The following KALRN variants were observed in gnomAD, a reference collection of about 807,000 sequenced individuals.
KALRN encodes the protein kalirin.
In KALRN, 70 loss-of-function variants were observed where a neutral mutation model predicts 353.7. The observed-to-expected ratio is 0.20, with a 90% CI of 0.16 to 0.24. The LOEUF (loss-of-function observed/expected upper bound fraction) is 0.24. Ranked by LOEUF, KALRN falls within the 10% of genes least tolerant of loss-of-function variation. The pLI is 1.00. For synonymous variants in KALRN, 1,391 were observed against 1,434.8 expected (o/e 0.97, Z 0.69); for missense variants, 2,791 against 3,756.7 (o/e 0.74, Z 6.72).
intron 6 of KALRN, among the ~76,000 whole-genome samples, chr3:124,309,715 G>C (rs1046222198): frequency 5.3e-5 from 8 of 151,284 alleles, no homozygotes; most frequent in African/African-American, 1.9e-4. Context: ...CCCAGAAAAA[G>C]CATTTGACAA....
intron 38 of KALRN, among the ~76,000 whole-genome samples, chr3:124,655,357 C>T (rs139459204): frequency 3.9e-4 from 59 of 152,220 alleles, no homozygotes; most frequent in African/African-American, 1.3e-3. Flanking sequence ...AGGTACTGAG[C>T]GTCATTTTTC....
chr3:124,674,429 G>T lies in KALRN; in HGVS notation c.7008G>T (p.Lys2336Asn). ...MAVIKDYYALKENEICVSQGE... is the reference protein window; with the variant it reads ...MAVIKDYYALNENEICVSQGE... ...TGATCAAAGATTACTATGCACTGAA[G>T]GAGAATGAAATCTGTGTGAGCCAAG... The change falls in exon 49 of 60, where the codon AAG becomes AAT. Residue 2336 changes from lysine to asparagine, a missense_variant. Coordinates refer to ENST00000682506, the MANE Select transcript of KALRN (RefSeq NM_001388419.1). 1 of 1,614,090 alleles carries T rather than the reference G, an allele frequency of 6.2e-7. No homozygotes were observed. Among genetic ancestry groups the T allele is most frequent in the Non-Finnish European group, 8.5e-7 (1 of 1,180,008 alleles).
intron 16 of KALRN, 135 bp downstream of exon 16, chr3:124,430,910 C>A: frequency 2.8e-6 from 3 of 1,083,090 alleles, no homozygotes; most frequent in Non-Finnish European, 3.8e-6. Context: ...TCCAGGGAGC[C>A]TTCCTCTTAC....
intron 34 of KALRN, among the ~76,000 whole-genome samples, chr3:124,587,199 G>C (rs1308010235): frequency 6.6e-6 from 1 of 152,090 alleles, no homozygotes; most frequent in Non-Finnish European, 1.5e-5. Context: ...AAATACAATG[G>C]AAAGGCAACC....
At chr3:124,073,520 G>A (rs2060118883) in intron 1 of KALRN, among the ~76,000 whole-genome samples, 2 of 152,170 alleles carry the variant, frequency 1.3e-5, no homozygotes, top group African/African-American at 2.4e-5. Context: ...ACTAGCATCA[G>A]TCACCCCCAC....
intron 33 of KALRN, among the ~76,000 whole-genome samples, chr3:124,509,587 G>A (rs1471447240): frequency 6.6e-6 from 1 of 152,204 alleles, no homozygotes; most frequent in Non-Finnish European, 1.5e-5. Context: ...AATATATAAT[G>A]CAAGTTTATG....
At chr3:124,572,392 G>A (rs2073640443) in intron 34 of KALRN, among the ~76,000 whole-genome samples, 1 of 151,178 alleles carries the variant, frequency 6.6e-6, no homozygotes, top group African/African-American at 2.4e-5. Flanking sequence ...AGTTAAAAAT[G>A]GCCCAACCTA....
In KALRN at chr3:124,488,287, T is replaced by C; in HGVS notation, c.4368T>C (p.Asn1456=). The C allele has an allele frequency of 6.2e-7, 1 of 1,613,378 alleles. No homozygotes were observed. Residue 1456 remains asparagine, a synonymous_variant, in exon 29 of 60, where the codon AAT becomes AAC. Transcript: ENST00000682506. ...EVMLSVPKKA[N]DAMHVSMLEG... is the part of the protein sequence containing the mutation. Reference sequence around the variant, plus strand: ...TGCTCAGTGTCCCAAAGAAAGCCAATGATGCCATGCATGTCAGCATGCTGG... The same window carrying C: ...TGCTCAGTGTCCCAAAGAAAGCCAACGATGCCATGCATGTCAGCATGCTGG...
At chr3:124,078,860 A>T (rs1260903092) in intron 1 of KALRN, among the ~76,000 whole-genome samples, 5 of 152,226 alleles carry the variant, frequency 3.3e-5, no homozygotes, top group Non-Finnish European at 5.9e-5. Context: ...GTTTCTAGGG[A>T]CTGGGACAAG....
At chr3:124,178,282 C>T (rs1007853426) in intron 1 of KALRN, among the ~76,000 whole-genome samples, 1 of 152,186 alleles carries the variant, frequency 6.6e-6, no homozygotes, top group African/African-American at 2.4e-5. Flanking sequence ...CCTCTATATT[C>T]ATACCTATAA....
intron 23 of KALRN, among the ~76,000 whole-genome samples, chr3:124,461,063 G>A (rs572581376): frequency 6.6e-6 from 1 of 152,058 alleles, no homozygotes; most frequent in Non-Finnish European, 1.5e-5. Context: ...CTAGGTCAGA[G>A]GTCAGCAAAC....
chr3:124,093,051 C>T (rs897160772), intron 1 of KALRN, among the ~76,000 whole-genome samples: 2 of 152,104 alleles, frequency 1.3e-5, no homozygotes, highest in African/African-American at 2.4e-5. Context: ...ATGTCTCTGC[C>T]GAGACCCAAT....
At chr3:124,336,504 C>T (rs2081150250) in intron 9 of KALRN, among the ~76,000 whole-genome samples, 1 of 152,114 alleles carries the variant, frequency 6.6e-6, no homozygotes, top group African/African-American at 2.4e-5. Flanking sequence ...TCTTTACCCT[C>T]ATGCTGATTT....
intron 57 of KALRN, among the ~76,000 whole-genome samples, chr3:124,706,309 T>G (rs1168874646): frequency 1.3e-5 from 2 of 152,168 alleles, no homozygotes; most frequent in Admixed American, 1.3e-4. Flanking sequence ...AGGGACAATA[T>G]GAGAATGTAT....
chr3:124,632,283 C>A, intron 34 of KALRN, 137 bp from the exon 35 acceptor site: 1 of 753,514 alleles, frequency 1.3e-6, no homozygotes, highest in Non-Finnish European at 2.2e-6. Flanking sequence ...TGAGAGGGTT[C>A]TCTGGACTGG....
chr3:124,156,639 C>T (rs2069040474), intron 1 of KALRN, among the ~76,000 whole-genome samples: 1 of 152,208 alleles, frequency 6.6e-6, no homozygotes. Flanking sequence ...TCTTGAGATG[C>T]TTCGCTGCTG....
chr3:124,556,535 G>A (rs113770511), intron 33 of KALRN, among the ~76,000 whole-genome samples: 16 of 152,306 alleles, frequency 1.1e-4, no homozygotes, highest in African/African-American at 3.8e-4. Flanking sequence ...AGGATTTGAA[G>A]CAGCTATACT....
intron 1 of KALRN, among the ~76,000 whole-genome samples, chr3:124,166,050 C>A (rs1447191976): frequency 3.3e-5 from 5 of 152,248 alleles, no homozygotes; most frequent in Non-Finnish European, 5.9e-5. Context: ...CATCTGCCTG[C>A]TCCCCAGCAT....
chr3:124,716,396 C>T (rs1293294297), intron 58 of KALRN, among the ~76,000 whole-genome samples: 8 of 152,178 alleles, frequency 5.3e-5, no homozygotes, highest in African/African-American at 1.4e-4. Flanking sequence ...TGATGGCACA[C>T]GCCTGTAATT....
Sources: allele counts gnomAD v4.1 joint callset (sites outside exome capture counted in the v4.1 genomes callset), GRCh38; gene constraint gnomAD v4.1.1; transcripts MANE v1.5; gene names NCBI Gene and HGNC (gene_info 2026-07-23, HGNC 2026-07-21).